Variants in TMEM132D observed in about 807,000 individuals in gnomAD.
TMEM132D encodes the protein mature OL transmembrane protein.
Under a neutral mutation model 62.3 loss-of-function variants are expected in TMEM132D, and 21 were observed. The observed-to-expected ratio is 0.34, with a 90% CI of 0.24 to 0.49. The LOEUF (loss-of-function observed/expected upper bound fraction) is 0.49, where lower values mean the gene tolerates loss of function less well. Among genes scored for constraint, TMEM132D ranks in the 20% least tolerant of loss-of-function variants. The pLI, the probability that TMEM132D is intolerant of heterozygous loss-of-function variation, is 0.99. For synonymous variants in TMEM132D, 621 were observed against 575.6 expected, an observed-to-expected ratio of 1.08 and a Z score of -1.13; for missense variants, 1,346 against 1,402.8, an observed-to-expected ratio of 0.96 and a Z score of 0.65.
chr12:129,654,063 G>C (rs1336729852), intron 2 of TMEM132D, among the ~76,000 whole-genome samples: 1 of 152,128 alleles, frequency 6.6e-6, no homozygotes, highest in Admixed American at 6.6e-5. Flanking sequence ...AATGTCCTTT[G>C]ACTGGGATTT....
chr12:129,642,494 G>A (rs1174826263), intron 2 of TMEM132D, among the ~76,000 whole-genome samples: 1 of 152,134 alleles, frequency 6.6e-6, no homozygotes, highest in Non-Finnish European at 1.5e-5. Flanking sequence ...CTGACTCCTG[G>A]ATGCAGCTCT....
At chr12:129,135,647 A>G (rs1405102234) in intron 5 of TMEM132D, among the ~76,000 whole-genome samples, 1 of 93,504 alleles carries the variant, frequency 1.1e-5, no homozygotes. Context: ...GTGCCTTAGA[A>G]CAAATAGTTT....
chr12:129,622,450 G>A (rs907592677), intron 2 of TMEM132D, among the ~76,000 whole-genome samples: 1 of 152,112 alleles, frequency 6.6e-6, no homozygotes, highest in Non-Finnish European at 1.5e-5. Flanking sequence ...TTTGGGGAAC[G>A]TATACCTAGG....
In TMEM132D at chr12:129,074,003, C is replaced by A; in HGVS notation, c.3172G>T (p.Glu1058Ter). Residue 1058 changes from glutamate to a stop codon, truncating the protein, a stop_gained, in exon 9 of 9, where the codon GAG becomes TAG. Transcript: ENST00000422113. LOFTEE classifies it low-confidence loss of function (END_TRUNC). ...ACGATGGAGTTCCTGGTGGGGTACT[C>A]GTCGTCTGAGGAGACGGCGGTGAAG... Reference protein sequence around the residue: ...TTFTAVSSDDEYPTRNSIVMS... With the variant: ...TTFTAVSSDD The A allele has an allele frequency of 6.2e-7, 1 of 1,613,994 alleles. No individual in the cohort carries two copies.
intron 2 of TMEM132D, among the ~76,000 whole-genome samples, chr12:129,532,160 G>A (rs1452983032): frequency 6.6e-6 from 1 of 152,212 alleles, no homozygotes; most frequent in Non-Finnish European, 1.5e-5. Context: ...AATGTTTCCT[G>A]CTGTGTTTTC....
intron 5 of TMEM132D, among the ~76,000 whole-genome samples, chr12:129,106,918 G>A (rs1451139741): frequency 6.6e-6 from 1 of 152,198 alleles, no homozygotes; most frequent in East Asian, 1.9e-4. Flanking sequence ...CACCACTGCT[G>A]TCTTTGCCTG....
intron 5 of TMEM132D, among the ~76,000 whole-genome samples, chr12:129,096,857 C>T (rs1200605870): frequency 1.3e-5 from 2 of 152,176 alleles, no homozygotes; most frequent in Admixed American, 6.5e-5. Context: ...GAAAACAGAA[C>T]ATTTTTACAC....
chr12:129,333,757 G>A (rs935702463), intron 4 of TMEM132D, among the ~76,000 whole-genome samples: 15 of 152,168 alleles, frequency 9.9e-5, no homozygotes, highest in African/African-American at 3.4e-4. Flanking sequence ...CTAGACTGAT[G>A]GGGTGGGAGC....
chr12:129,450,060 C>T (rs758862809), intron 3 of TMEM132D, among the ~76,000 whole-genome samples: 63 of 152,044 alleles, frequency 4.1e-4, no homozygotes, highest in Non-Finnish European at 4.3e-4. Context: ...CACTTCTGCA[C>T]GGGTTTTTTT....
intron 2 of TMEM132D, among the ~76,000 whole-genome samples, chr12:129,535,901 A>G (rs1876374750): frequency 6.6e-6 from 1 of 152,088 alleles, no homozygotes; most frequent in South Asian, 2.1e-4. Flanking sequence ...TCAAAGCCCA[A>G]GAAGAGAAAT....
intron 4 of TMEM132D, among the ~76,000 whole-genome samples, chr12:129,323,947 T>C (rs1222137659): frequency 3.3e-5 from 5 of 152,108 alleles, no homozygotes; most frequent in Non-Finnish European, 5.9e-5. Context: ...ATTTGTTTTG[T>C]AAATAAATGG....
At chr12:129,839,580 A>G (rs1055573169) in intron 1 of TMEM132D, among the ~76,000 whole-genome samples, 9 of 152,164 alleles carry the variant, frequency 5.9e-5, no homozygotes, top group South Asian at 4.1e-4. Context: ...TCAAACTCTT[A>G]AAGTACATAG....
At chr12:129,872,329 C>A (rs551768495) in intron 1 of TMEM132D, among the ~76,000 whole-genome samples, 2 of 152,074 alleles carry the variant, frequency 1.3e-5, no homozygotes, top group African/African-American at 4.8e-5. Flanking sequence ...AGGGGGAGGA[C>A]AAATAGGAGA....
chr12:129,684,865 T>A (rs912797512), intron 2 of TMEM132D, among the ~76,000 whole-genome samples: 1 of 152,118 alleles, frequency 6.6e-6, no homozygotes, highest in Admixed American at 6.5e-5. Flanking sequence ...TGCAATGCTT[T>A]AGCAAAGAGA....
rs146064242 is a variant in TMEM132D, at chr12:129,470,913, A to G, written c.1115+60146T>C. 1.2e-3 allele frequency among the ~76,000 whole-genome samples: 184 copies of G among 152,302 alleles called. 1 individual carries two copies. The highest frequency in any genetic ancestry group is 4.2e-3 in the African/African-American group (174 of 41,584). ...ATAACCACAAAAGTTGGTCTGTGGA[A>G]TAAGAGGAAAGAAAGAAGTAGAAGA... On this transcript the variant is annotated intron_variant, in intron 3 of 8. Transcript: ENST00000422113.
chr12:129,423,207 C>G (rs939886585), intron 3 of TMEM132D, among the ~76,000 whole-genome samples: 2 of 152,146 alleles, frequency 1.3e-5, no homozygotes, highest in East Asian at 3.8e-4. Context: ...TTTAGAGTCA[C>G]ATGTCTGACA....
chr12:129,125,814 G>T (rs1290078846), intron 5 of TMEM132D, among the ~76,000 whole-genome samples: 1 of 152,090 alleles, frequency 6.6e-6, no homozygotes, highest in East Asian at 1.9e-4. Context: ...TGTACCTGCT[G>T]CATTGAGCAC....
chr12:129,672,956 C>T (rs747123011), intron 2 of TMEM132D, among the ~76,000 whole-genome samples: 1 of 152,142 alleles, frequency 6.6e-6, no homozygotes, highest in Non-Finnish European at 1.5e-5. Context: ...CCATGTTAAC[C>T]GGGCTGGTCT....
intron 2 of TMEM132D, among the ~76,000 whole-genome samples, chr12:129,683,715 C>T (rs1880840631): frequency 6.6e-6 from 1 of 152,154 alleles, no homozygotes; most frequent in Admixed American, 6.5e-5. Flanking sequence ...AACCCCTCAC[C>T]AACCCAGAAT....
Sources: gnomAD v4.1 joint callset for allele counts (sites outside exome capture counted in the v4.1 genomes callset) on GRCh38, gnomAD v4.1.1 for gene constraint, MANE v1.5 for transcripts, NCBI Gene and HGNC (gene_info 2026-07-23, HGNC 2026-07-21) for gene names.